The following SERPINB13 variants were observed in gnomAD, a reference collection of about 807,000 sequenced individuals.
SERPINB13 encodes serpin family B member 13.
Under a neutral mutation model 31.2 loss-of-function variants are expected in SERPINB13, and 26 were observed. The observed-to-expected ratio is 0.83, with a 90% CI of 0.61 to 1.15. The LOEUF is 1.15. Ranked by LOEUF, SERPINB13 falls within the 50% of genes most tolerant of loss-of-function variation. SERPINB13 has a pLI of 0.00. For synonymous variants in SERPINB13, 191 were observed against 172.4 expected, an observed-to-expected ratio of 1.11 and a Z score of -0.85; for missense variants, 510 against 469.4, an observed-to-expected ratio of 1.09 and a Z score of -0.80.
In SERPINB13 at chr18:63,597,327, C is replaced by A. The variant is rs1912243716; in HGVS notation, c.1140C>A (p.Asn380Lys). 2 of 1,613,874 alleles carry A rather than the reference C, an allele frequency of 1.2e-6. No individual in the cohort carries two copies. Among genetic ancestry groups the A allele is most frequent in the Non-Finnish European group, 1.7e-6 (2 of 1,179,884 alleles). Reference protein sequence around the residue: ...FLFFIRHNESNSILFFGRFSS... With the variant: ...FLFFIRHNESKSILFFGRFSS... ...TCTTCATCAGGCACAATGAATCCAA[C>A]AGCATCCTCTTCTTCGGCAGATTTT... Residue 380 changes from asparagine (N) to lysine (K), a missense_variant, in exon 8 of 8, where the codon AAC becomes AAA. Asn to Lys is a moderately conservative substitution (Grantham distance 94, BLOSUM62 0). Transcript: ENST00000344731.
intron 2 of SERPINB13, among the ~76,000 whole-genome samples, 186 bp from the exon 3 acceptor site, chr18:63,589,470 C>T (rs371916736): frequency 1.2e-4 from 18 of 150,054 alleles, no homozygotes; most frequent in South Asian, 2.1e-4. Context: ...CACACACACA[C>T]ACACACACAC....
intron 7 of SERPINB13, among the ~76,000 whole-genome samples, chr18:63,596,493 T>C (rs960130245): frequency 1.3e-5 from 2 of 152,226 alleles, no homozygotes; most frequent in African/African-American, 2.4e-5. Context: ...TAAATGTTTG[T>C]AAAGTGAATG....
rs942750416 is a variant in SERPINB13 at position 63,587,803 on chromosome 18, C to T, written c.-18+353C>T. ...ATCTTATTCTTGTTTTAGGATTCCTCCTAAAGCCTTTACTTACTAGTTTTA... is the reference window on the plus strand; with the variant it reads ...ATCTTATTCTTGTTTTAGGATTCCTTCTAAAGCCTTTACTTACTAGTTTTA... On this transcript the variant is annotated intron_variant, in intron 1 of 7. Transcript: ENST00000344731. Among the ~76,000 whole-genome samples the T allele has an allele frequency of 4.6e-5, 7 of 152,208 alleles. No individual in the cohort carries two copies. In the East Asian group the frequency reaches 1.3e-3, roughly 29 times the overall value.
intron 3 of SERPINB13, among the ~76,000 whole-genome samples, chr18:63,591,273 G>A (rs2144394974): frequency 6.6e-6 from 1 of 152,260 alleles, no homozygotes; most frequent in South Asian, 2.1e-4. Context: ...TTAGCATCAT[G>A]TTTATAAGAT....
intron 7 of SERPINB13, 118 bp downstream of exon 7, chr18:63,595,302 C>A: frequency 2.0e-5 from 20 of 1,002,512 alleles, no homozygotes; most frequent in Non-Finnish European, 2.8e-5. Flanking sequence ...CACTCTCCAG[C>A]AGCTACAGAT....
chr18:63,594,239 G>A (rs1283152052), intron 5 of SERPINB13, 116 bp from the exon 6 acceptor site: 1 of 1,556,438 alleles, frequency 6.4e-7, no homozygotes, highest in Non-Finnish European at 8.7e-7. Context: ...AGGCCCTCAG[G>A]TGCTGACCTG....
Position 63,592,929 on chromosome 18 carries a change from A to G in SERPINB13, c.430A>G (p.Ser144Gly), listed in dbSNP as rs1428031347. 6.2e-7 allele frequency: 1 copy of G among 1,613,530 alleles called. No individual in the cohort carries two copies. Among genetic ancestry groups the G allele is most frequent in the South Asian group, 1.1e-5 (1 of 90,904 alleles). ...TGATTTTGTAAATGCAGCCGATGAA[A>G]GTCGAAAGAAGATTAATTCCTGGGT... The part of the protein sequence containing the change: ...PVDFVNAADE[S>G]RKKINSWVES... The change falls in exon 5 of 8, where the codon AGT becomes GGT. Residue 144 changes from serine to glycine, a missense_variant. Coordinates refer to ENST00000344731, the MANE Select transcript of SERPINB13 (RefSeq NM_012397.4).
At chr18:63,595,323 T>C in intron 7 of SERPINB13, 139 bp downstream of exon 7, 1 of 798,404 alleles carries the variant, frequency 1.3e-6, no homozygotes, top group Non-Finnish European at 2.0e-6. Flanking sequence ...GGATGTCTAC[T>C]GGGGAGCATT....
In SERPINB13 at chr18:63,597,032, A is replaced by G. The variant is rs1446481297; in HGVS notation, c.845A>G (p.Asn282Ser). 4 of 1,614,096 alleles carry G rather than the reference A, an allele frequency of 2.5e-6. No individual in the cohort carries two copies. The African/African-American group carries it at 4.0e-5, about 16-fold the overall frequency. ...SPGHMEERKVNLHLPRFEVED... is the reference protein window; with the variant it reads ...SPGHMEERKVSLHLPRFEVED... ...GGGCATATGGAAGAAAGAAAGGTGA[A>G]TCTGCACTTGCCCCGGTTTGAGGTG... Residue 282 changes from asparagine to serine, a missense_variant, in exon 8 of 8, where the codon AAT (asparagine) becomes AGT (serine). Asn to Ser is a conservative substitution (Grantham distance 46). Transcript: ENST00000344731.
At chr18:63,588,876 T>G in intron 2 of SERPINB13, 44 bp downstream of exon 2, 1 of 1,512,196 alleles carries the variant, frequency 6.6e-7, no homozygotes, top group East Asian at 2.4e-5. Context: ...ATGCACAAAT[T>G]CATTTGGCGG....
At chr18:63,590,290 C>T (rs1911777672) in intron 3 of SERPINB13, among the ~76,000 whole-genome samples, 1 of 152,152 alleles carries the variant, frequency 6.6e-6, no homozygotes, top group Admixed American at 6.5e-5. Context: ...TATTCGCCAT[C>T]CAAAGGAGAG....
Position 63,592,458 on chromosome 18 carries a change from A to G in SERPINB13, c.336A>G (p.Lys112=). The G allele has an allele frequency of 6.2e-7, 1 of 1,613,534 alleles. No homozygotes were observed. The highest frequency in any genetic ancestry group is 8.5e-7 in the Non-Finnish European group (1 of 1,179,824). The part of the protein sequence containing the change: ...LNITNRLFGE[K]TYLFLQKYLD... ...TAACCAACAGGCTGTTTGGAGAAAA[A>G]ACATACCTCTTCCTTCAAGTAAGTT... Residue 112 remains lysine, a synonymous_variant, in exon 4 of 8, where the codon AAA becomes AAG. Coordinates refer to ENST00000344731, the MANE Select transcript of SERPINB13 (RefSeq NM_012397.4).
Position 63,589,914 on chromosome 18 carries a change from A to G in SERPINB13, c.225+199A>G, listed in dbSNP as rs1911752304. 5.4e-6 allele frequency: 6 copies of G among 1,111,350 alleles called. No individual in the cohort carries two copies. In the East Asian group the frequency reaches 1.6e-4, roughly 30 times the overall value. The allele number at this position is 1,111,350 out of a possible 1,614,324, so 68.8% of individuals were successfully genotyped here. A position where few individuals can be genotyped will look rare whatever the true frequency, so the allele number is the denominator to read the frequency against. ...ATTATACAATAATAATAACCCCTTA[A>G]TATTGAGAAGAGACCTTAGGTGTAA... On this transcript the variant is annotated intron_variant, in intron 3 of 7. Coordinates refer to ENST00000344731, the MANE Select transcript of SERPINB13 (RefSeq NM_012397.4).
intron 3 of SERPINB13, among the ~76,000 whole-genome samples, chr18:63,590,627 T>G (rs1284891413): frequency 6.6e-6 from 1 of 152,242 alleles, no homozygotes; most frequent in Non-Finnish European, 1.5e-5. Flanking sequence ...TCAGCCATGA[T>G]AGCCCATGTA....
At chr18:63,595,642 G>C (rs1912119556) in intron 7 of SERPINB13, among the ~76,000 whole-genome samples, 1 of 152,172 alleles carries the variant, frequency 6.6e-6, no homozygotes, top group Non-Finnish European at 1.5e-5. Context: ...GCTCACGCCT[G>C]TAATCCCAGC....
chr18:63,592,285 A>C, intron 3 of SERPINB13, 63 bp from the exon 4 acceptor site: 1 of 1,567,594 alleles, frequency 6.4e-7, no homozygotes, highest in Non-Finnish European at 8.6e-7. Context: ...GCATCCTCTT[A>C]GGGGAGAATC....
In SERPINB13 at chr18:63,598,115, T is replaced by G. The variant is rs1324017792; in HGVS notation, c.*752T>G. On this transcript the variant is annotated 3_prime_UTR_variant, in exon 8 of 8. Transcript: ENST00000344731. ...TTTTTCTCCATTTACATTTTTCTGG[T>G]TTTTTTTTTTTTTTGAGTGAGGTAC... 7.8e-5 allele frequency: 9 copies of G among 115,422 alleles called. No homozygotes were observed. The highest frequency in any genetic ancestry group is 1.6e-4 in the Admixed American group (2 of 12,356). The allele number at this position is 115,422 out of a possible 1,614,324, so 7.1% of individuals were successfully genotyped here.
chr18:63,595,139 A>G lies in SERPINB13; in HGVS notation c.726A>G (p.Leu242=). The change falls in exon 7 of 8, where the codon CTA becomes CTG. Residue 242 remains leucine (L), a synonymous_variant. Coordinates refer to ENST00000344731, the MANE Select transcript of SERPINB13 (RefSeq NM_012397.4). ...GGATTCCATATAAAAACAACGACCT[A>G]AGCATGTTTGTGCTTCTGCCCAACG... ...ILGIPYKNND[L]SMFVLLPNDI... 2 of 1,613,988 alleles carry G rather than the reference A, an allele frequency of 1.2e-6. No individual in the cohort carries two copies. Among genetic ancestry groups the G allele is most frequent in the Non-Finnish European group, 1.7e-6 (2 of 1,179,944 alleles).
In SERPINB13 at chr18:63,589,672, A is replaced by C. The variant is rs570662053; in HGVS notation, c.182A>C (p.Lys61Thr). 8.1e-6 allele frequency: 13 copies of C among 1,613,974 alleles called. No individual in the cohort carries two copies. Among genetic ancestry groups the C allele is most frequent in the Non-Finnish European group, 1.1e-5 (13 of 1,179,914 alleles). Residue 61 changes from lysine to threonine, a missense_variant, in exon 3 of 8, where the codon AAA becomes ACA. Coordinates refer to ENST00000344731, the MANE Select transcript of SERPINB13 (RefSeq NM_012397.4). ...CTCTTCCAGGTGTTTCACTCTGAAA[A>C]AGAGACGAAGAGCTCAAGAATAAAG... The part of the protein sequence containing the change: ...SQLEEVFHSE[K>T]ETKSSRIKAE...
Sources: allele counts gnomAD v4.1 joint callset (sites outside exome capture counted in the v4.1 genomes callset), GRCh38; gene constraint gnomAD v4.1.1; transcripts MANE v1.5; gene names NCBI Gene and HGNC (gene_info 2026-07-23, HGNC 2026-07-21).